Variants in MYLK observed in about 807,000 individuals in gnomAD.
MYLK encodes the protein myosin light chain kinase, smooth muscle.
A neutral mutation model predicts 203.4 loss-of-function variants in MYLK; 106 were observed. The ratio of observed to expected loss-of-function variants is 0.52; its 90% confidence interval spans 0.45 to 0.61. The LOEUF (loss-of-function observed/expected upper bound fraction) is 0.61, where lower values mean the gene tolerates loss of function less well. Among genes scored for constraint, MYLK ranks in the 20% least tolerant of loss-of-function variants. MYLK has a pLI of 0.00. For missense variants in MYLK, 2,072 were observed against 2,442.3 expected (o/e 0.85, Z 3.20); for synonymous variants, 867 against 959.5 (o/e 0.90, Z 1.78).
At chr3:123,868,706 G>C (rs557199103) in intron 2 of MYLK, among the ~76,000 whole-genome samples, 1 of 152,338 alleles carries the variant, frequency 6.6e-6, no homozygotes, top group Non-Finnish European at 1.5e-5. Flanking sequence ...CAACTACAAA[G>C]TGGGAACAAG....
chr3:123,669,436 T>C (rs1576490596), intron 20 of MYLK, among the ~76,000 whole-genome samples: 1 of 151,232 alleles, frequency 6.6e-6, no homozygotes, highest in South Asian at 2.1e-4. Context: ...TTTTTTTTTT[T>C]TCTTTTGCCA....
At chr3:123,737,744 G>A (rs934304954) in intron 7 of MYLK, among the ~76,000 whole-genome samples, 1 of 152,206 alleles carries the variant, frequency 6.6e-6, no homozygotes, top group Non-Finnish European at 1.5e-5. Context: ...ATGTGGTGTG[G>A]TGCTCTGTCC....
chr3:123,692,636 A>T (rs1040244627), intron 19 of MYLK, 99 bp downstream of exon 19: 14 of 976,578 alleles, frequency 1.4e-5, no homozygotes, highest in Non-Finnish European at 2.3e-5. Flanking sequence ...GCAGTGTTGG[A>T]GGCAGTTCTG....
intron 12 of MYLK, among the ~76,000 whole-genome samples, chr3:123,724,273 C>T (rs186541501): frequency 2.0e-5 from 3 of 151,764 alleles, no homozygotes; most frequent in Admixed American, 6.6e-5. Context: ...TGGGCCACTG[C>T]GCCCAGCCTC....
At chr3:123,670,034 C>CA (rs57445681) in intron 20 of MYLK, among the ~76,000 whole-genome samples, 6,673 of 35,952 alleles carry the variant, frequency 0.19, 910 homozygotes, top group East Asian at 0.38. Flanking sequence ...GACTCCATCT[C>CA]AAAAAAAAAA....
rs778578954 is a variant in MYLK at position 123,700,392 on chromosome 3, C to T, written c.3076G>A (p.Val1026Met). Residue 1026 changes from valine to methionine, a missense_variant, in exon 18 of 34, where the codon GTG becomes ATG. Transcript: ENST00000360304. ...GTCTCAGCAGGCTTGGCGTTGCCCACGGGTTTCAAGGGCCCTGAAGGCTGT... is the reference window on the plus strand; with the variant it reads ...GTCTCAGCAGGCTTGGCGTTGCCCATGGGTTTCAAGGGCCCTGAAGGCTGT... ...NAQPSGPLKP[V>M]GNAKPAETLK... The T allele has an allele frequency of 9.5e-5, 153 of 1,613,774 alleles. 1 individual carries two copies. The highest frequency in any genetic ancestry group is 2.0e-4 in the East Asian group (9 of 44,830).
intron 19 of MYLK, 70 bp downstream of exon 19, chr3:123,692,665 G>A: frequency 8.2e-7 from 1 of 1,219,556 alleles, no homozygotes; most frequent in South Asian, 1.2e-5. Flanking sequence ...GCAAGGTATG[G>A]TAAGGAAGGG....
Position 123,701,004 on chromosome 3 carries a change from C to G in MYLK, c.2464G>C (p.Gly822Arg). 6 of 1,603,462 alleles carry G rather than the reference C, an allele frequency of 3.7e-6. No homozygotes were observed. The highest frequency in any genetic ancestry group is 4.2e-6 in the Non-Finnish European group (5 of 1,179,930). The change falls in exon 18 of 34, where the codon GGG becomes CGG. Residue 822 changes from glycine to arginine, a missense_variant and splice_region_variant. Gly to Arg is a moderately radical substitution (Grantham distance 125). Transcript: ENST00000360304. ...QNSSARALPRGREPASCEDLC... is the reference protein window; with the variant it reads ...QNSSARALPRRREPASCEDLC... ...TCCTCGCAGCTGGCAGGCTCCCTCC[C>G]CCTGCAACCAGTGTAGGGAAAAAGG... is the stretch of plus-strand genomic sequence containing the variant.
intron 5 of MYLK, among the ~76,000 whole-genome samples, chr3:123,743,647 C>T (rs183775543): frequency 2.4e-4 from 36 of 152,102 alleles, no homozygotes; most frequent in Admixed American, 6.5e-4. Flanking sequence ...AAGGAGAGGC[C>T]AAGACACTGA....
chr3:123,771,749 C>G (rs1316526750), intron 4 of MYLK, among the ~76,000 whole-genome samples: 1 of 152,156 alleles, frequency 6.6e-6, no homozygotes, highest in Non-Finnish European at 1.5e-5. Flanking sequence ...CTTAGCCTAG[C>G]CTCCCTTAAA....
chr3:123,797,027 C>G (rs1034991063), intron 3 of MYLK, among the ~76,000 whole-genome samples: 2 of 152,100 alleles, frequency 1.3e-5, no homozygotes, highest in Non-Finnish European at 2.9e-5. Context: ...ACAGTGAGAA[C>G]TGGTCAAATA....
At chr3:123,646,167 A>G (rs2059014683) in intron 27 of MYLK, among the ~76,000 whole-genome samples, 1 of 152,198 alleles carries the variant, frequency 6.6e-6, no homozygotes, top group Non-Finnish European at 1.5e-5. Context: ...AAAGCAAAGT[A>G]TATGACAGTG....
chr3:123,763,317 ATCC>A (rs2063594364), intron 4 of MYLK, among the ~76,000 whole-genome samples: 1 of 152,126 alleles, frequency 6.6e-6, no homozygotes, highest in Admixed American at 6.5e-5. Context: ...ACATTTTGTC[ATCC>A]TCCTCTAATC....
At position 123,852,645 on chromosome 3, in the gene MYLK, G is replaced by A. The variant is rs9835800; in HGVS notation, c.-126-20975C>T. Reference sequence around the variant, plus strand: ...TTTCTTCTTTATTAGTCTCGCTAGCGGTCTATCAATTTTGCTGATCTTTTC... The same window carrying A: ...TTTCTTCTTTATTAGTCTCGCTAGCAGTCTATCAATTTTGCTGATCTTTTC... On this transcript the variant is annotated intron_variant, in intron 2 of 33. Transcript: ENST00000360304. Among the ~76,000 whole-genome samples, 914 of 151,852 alleles carry A rather than the reference G, an allele frequency of 6.0e-3. 10 individuals are homozygous for A. Among genetic ancestry groups the A allele is most frequent in the African/African-American group, 0.021 (874 of 41,396 alleles).
intron 7 of MYLK, 100 bp downstream of exon 7, chr3:123,738,797 T>A: frequency 2.7e-6 from 4 of 1,481,178 alleles, no homozygotes; most frequent in Non-Finnish European, 3.7e-6. Flanking sequence ...CCATTAAACC[T>A]CTTTCCTTCA....
chr3:123,729,771 C>T (rs894567490), intron 11 of MYLK, among the ~76,000 whole-genome samples: 2 of 151,572 alleles, frequency 1.3e-5, no homozygotes, highest in African/African-American at 2.4e-5. Context: ...GTCCCAGCTA[C>T]CCAGGAGGCT....
chr3:123,659,675 G>A (rs1323089985), intron 23 of MYLK: 3 of 518,216 alleles, frequency 5.8e-6, no homozygotes, highest in Non-Finnish European at 1.2e-5. Flanking sequence ...AACTAGTAAA[G>A]GGATGAAAAC....
At chr3:123,619,556 C>A (rs927956875) in intron 32 of MYLK, among the ~76,000 whole-genome samples, 2 of 152,150 alleles carry the variant, frequency 1.3e-5, no homozygotes, top group Admixed American at 1.3e-4. Context: ...TGTCTCTGGC[C>A]AAATGAGATA....
At chr3:123,662,736 A>G (rs1237574556) in intron 23 of MYLK, among the ~76,000 whole-genome samples, 2 of 152,202 alleles carry the variant, frequency 1.3e-5, no homozygotes, top group Non-Finnish European at 1.5e-5. Flanking sequence ...AGGAACACAC[A>G]GGAAAGGCTA....
Sources: allele counts gnomAD v4.1 joint callset (sites outside exome capture counted in the v4.1 genomes callset), GRCh38; gene constraint gnomAD v4.1.1; transcripts MANE v1.5; gene names NCBI Gene and HGNC (gene_info 2026-07-23, HGNC 2026-07-21).